Variants in ARHGEF3 observed in about 807,000 individuals in gnomAD.
The protein encoded by ARHGEF3 is 59.8 kDA protein.
ARHGEF3 carries 28 observed loss-of-function variants against 63.2 expected under a neutral mutation model. That is an observed-to-expected ratio of 0.44 (90% CI 0.33 to 0.61). The LOEUF (loss-of-function observed/expected upper bound fraction) is 0.61, where lower values mean the gene tolerates loss of function less well. Ranked by LOEUF, ARHGEF3 falls within the 20% of genes least tolerant of loss-of-function variation. ARHGEF3 has a pLI of 0.03. For missense variants in ARHGEF3, 533 were observed against 659.3 expected (o/e 0.81, Z 2.10); for synonymous variants, 266 against 254.2 (o/e 1.05, Z -0.44).
At chr3:56,918,525 G>A (rs1448015710) in intron 3 of ARHGEF3, among the ~76,000 whole-genome samples, 1 of 152,116 alleles carries the variant, frequency 6.6e-6, no homozygotes, top group Non-Finnish European at 1.5e-5. Flanking sequence ...GTGGAGCAGG[G>A]AGGGGCAGAG....
intron 2 of ARHGEF3, among the ~76,000 whole-genome samples, chr3:56,980,856 C>T (rs963426421): frequency 2.6e-5 from 4 of 152,376 alleles, no homozygotes; most frequent in Non-Finnish European, 4.4e-5. Context: ...TCAAGTTCAT[C>T]GGCCTCCGAG....
chr3:56,946,464 G>A (rs1300235582), intron 3 of ARHGEF3, among the ~76,000 whole-genome samples: 1 of 152,196 alleles, frequency 6.6e-6, no homozygotes, highest in African/African-American at 2.4e-5. Flanking sequence ...AAAGGCATGA[G>A]AACTACGTGA....
chr3:56,799,554 A>C (rs758538440), intron 1 of ARHGEF3, among the ~76,000 whole-genome samples: 1 of 152,234 alleles, frequency 6.6e-6, no homozygotes, highest in Non-Finnish European at 1.5e-5. Flanking sequence ...GCTTATAAAC[A>C]ATTATATAAT....
intron 2 of ARHGEF3, among the ~76,000 whole-genome samples, chr3:56,967,863 C>CATATTATATATAATATATAATTACATATT (rs1553794065): frequency 1.4e-5 from 1 of 71,012 alleles, no homozygotes; most frequent in African/African-American, 5.8e-5. Context: ...TATATAATGA[C>CATATTATATATAATATATAATTACATATT]ATATATAATA....
chr3:56,904,319 C>T (rs1313630968), intron 3 of ARHGEF3, among the ~76,000 whole-genome samples: 1 of 152,156 alleles, frequency 6.6e-6, no homozygotes, highest in African/African-American at 2.4e-5. Flanking sequence ...GCATAAGCCA[C>T]TGCACCCAGC....
chr3:56,953,871 G>C (rs939250741), intron 3 of ARHGEF3, among the ~76,000 whole-genome samples: 1 of 152,190 alleles, frequency 6.6e-6, no homozygotes, highest in Non-Finnish European at 1.5e-5. Flanking sequence ...GGAAACAGCT[G>C]TGCCTGAAGC....
intron 3 of ARHGEF3, among the ~76,000 whole-genome samples, chr3:56,927,773 A>G (rs1394641991): frequency 6.6e-6 from 1 of 152,208 alleles, no homozygotes; most frequent in Non-Finnish European, 1.5e-5. Context: ...TAAAAAACAA[A>G]CAAACAAACA....
intron 1 of ARHGEF3, among the ~76,000 whole-genome samples, chr3:56,780,085 G>T (rs145867311): frequency 2.6e-5 from 4 of 152,204 alleles, no homozygotes; most frequent in African/African-American, 9.6e-5. Context: ...ACAAGATCAC[G>T]TATTTCAGGT....
chr3:56,984,219 C>T (rs34978823), intron 2 of ARHGEF3, among the ~76,000 whole-genome samples: 20,205 of 152,220 alleles, frequency 0.13, 1,778 homozygotes, highest in Non-Finnish European at 0.19. Flanking sequence ...TGCCCACCAC[C>T]CAGAGACCCC....
rs111635592 is a variant in ARHGEF3, at chr3:56,849,726, A to G, written c.192+32566T>C. Among the ~76,000 whole-genome samples, 517 of 152,250 alleles carry G rather than the reference A, an allele frequency of 3.4e-3. 2 individuals carry two copies. The highest frequency in any genetic ancestry group is 0.012 in the African/African-American group (485 of 41,554). ...AGAAAACACAGTTTTCTATTTCTAG[A>G]TATCAATCTTAAAGTAGCACAAAGA... is the stretch of plus-strand genomic sequence containing the variant. On this transcript the variant is annotated intron_variant, in intron 4 of 12. Transcript: ENST00000338458.
chr3:57,025,200 T>G (rs1029890209), intron 2 of ARHGEF3, among the ~76,000 whole-genome samples: 2 of 152,168 alleles, frequency 1.3e-5, no homozygotes, highest in African/African-American at 4.8e-5. Flanking sequence ...TAGCCAGGAA[T>G]GGGCCGAGAT....
intron 4 of ARHGEF3, among the ~76,000 whole-genome samples, chr3:56,873,216 T>C (rs996118493): frequency 1.4e-4 from 10 of 71,244 alleles, no homozygotes; most frequent in African/African-American, 2.3e-4. Context: ...ACTTTTGTGC[T>C]ATGTTTGTTT....
At chr3:56,889,057 G>C (rs578126576) in intron 3 of ARHGEF3, among the ~76,000 whole-genome samples, 1 of 151,958 alleles carries the variant, frequency 6.6e-6, no homozygotes, top group South Asian at 2.1e-4. Flanking sequence ...CCAGAGACTC[G>C]TTACTGCCTC....
chr3:56,904,445 G>A (rs574695091), intron 3 of ARHGEF3, among the ~76,000 whole-genome samples: 13 of 152,208 alleles, frequency 8.5e-5, no homozygotes, highest in East Asian at 3.9e-4. Flanking sequence ...GATTACAGGC[G>A]TGAGCCACCA....
intron 3 of ARHGEF3, among the ~76,000 whole-genome samples, chr3:56,896,212 T>A (rs1372338383): frequency 6.6e-6 from 1 of 152,230 alleles, no homozygotes; most frequent in Non-Finnish European, 1.5e-5. Context: ...AAGTCCAGAA[T>A]AAGATACTCC....
chr3:56,916,004 C>T (rs2041978319), intron 3 of ARHGEF3, among the ~76,000 whole-genome samples: 1 of 152,148 alleles, frequency 6.6e-6, no homozygotes, highest in African/African-American at 2.4e-5. Flanking sequence ...CTTTGTTCCC[C>T]TCCAATCACT....
intron 4 of ARHGEF3, among the ~76,000 whole-genome samples, chr3:56,851,254 CTAGCACTG>C (rs2039666792): frequency 6.6e-6 from 1 of 152,090 alleles, no homozygotes; most frequent in African/African-American, 2.4e-5. Context: ...CACCTCCCTC[CTAGCACTG>C]TGGATTCAGC....
chr3:56,802,204 G>A (rs951105290), upstream of ARHGEF3, among the ~76,000 whole-genome samples: 1 of 152,222 alleles, frequency 6.6e-6, no homozygotes, highest in Non-Finnish European at 1.5e-5. Flanking sequence ...CCCCATGATA[G>A]CTCCTTTCGG....
intron 2 of ARHGEF3, among the ~76,000 whole-genome samples, chr3:57,002,483 A>ATATATATATATATATATATGT: frequency 4.9e-5 from 2 of 40,698 alleles, no homozygotes; most frequent in Middle Eastern, 0.011. Flanking sequence ...TATATGTTAT[A>ATATATATATATATATATATGT]TATATATATA....
Sources: gnomAD v4.1 joint callset for allele counts (sites outside exome capture counted in the v4.1 genomes callset) on GRCh38, gnomAD v4.1.1 for gene constraint, MANE v1.5 for transcripts, NCBI Gene and HGNC (gene_info 2026-07-23, HGNC 2026-07-21) for gene names.